Variants in RAD51B observed in about 807,000 individuals in gnomAD.
RAD51B encodes DNA repair protein RAD51 homolog 2.
A neutral mutation model predicts 42.2 loss-of-function variants in RAD51B; 38 were observed. The ratio of observed to expected loss-of-function variants is 0.90; its 90% CI spans 0.70 to 1.18. RAD51B has a LOEUF of 1.18. Among genes scored for constraint, RAD51B ranks in the 50% most tolerant of loss-of-function variants. The pLI, the probability that RAD51B is intolerant of heterozygous loss-of-function variation, is 0.00. For missense variants in RAD51B, 373 were observed against 400.7 expected (o/e 0.93, Z 0.59); for synonymous variants, 154 against 145.2 (o/e 1.06, Z -0.43).
chr14:68,359,534 C>T (rs2082977139), intron 8 of RAD51B, among the ~76,000 whole-genome samples: 1 of 152,162 alleles, frequency 6.6e-6, no homozygotes, highest in South Asian at 2.1e-4. Context: ...CAGCTGCTGC[C>T]TGAAATCACA....
intron 8 of RAD51B, among the ~76,000 whole-genome samples, chr14:68,373,302 G>T (rs1483946731): frequency 6.6e-6 from 1 of 152,172 alleles, no homozygotes; most frequent in African/African-American, 2.4e-5. Context: ...AAAACATAGA[G>T]GCCAGAGAGG....
downstream of RAD51B, among the ~76,000 whole-genome samples, chr14:68,482,197 G>C (rs867844188): frequency 6.6e-6 from 1 of 150,444 alleles, no homozygotes; most frequent in Admixed American, 6.6e-5. Context: ...GTGTGTGTGT[G>C]TATGTGTGTG....
At chr14:68,470,627 CAGAG>C (rs974536416) in intron 10 of RAD51B, 4 of 499,580 alleles carry the variant, frequency 8.0e-6, no homozygotes, top group East Asian at 4.3e-5. Flanking sequence ...CATTTGAAAA[CAGAG>C]AGAGAGAGAA....
chr14:68,070,057 A>G (rs1404368684), intron 7 of RAD51B, among the ~76,000 whole-genome samples: 1 of 151,708 alleles, frequency 6.6e-6, no homozygotes, highest in African/African-American at 2.4e-5. Context: ...CATTTTTTTC[A>G]TGTGCTTGTT....
At chr14:67,871,895 T>C (rs890241991) in intron 5 of RAD51B, among the ~76,000 whole-genome samples, 1 of 152,104 alleles carries the variant, frequency 6.6e-6, no homozygotes. Context: ...CAGCCCTTCA[T>C]GCTAAAAACT....
At chr14:68,395,246 TTAAGA>T (rs935000337) in intron 8 of RAD51B, among the ~76,000 whole-genome samples, 5 of 152,210 alleles carry the variant, frequency 3.3e-5, no homozygotes, top group African/African-American at 1.2e-4. Flanking sequence ...TTAGCCTCTC[TTAAGA>T]TAAGATTTGC....
At chr14:68,036,753 CT>C (rs927073295) in intron 7 of RAD51B, among the ~76,000 whole-genome samples, 4 of 151,642 alleles carry the variant, frequency 2.6e-5, no homozygotes, top group African/African-American at 9.7e-5. Flanking sequence ...GGTTTAGTGC[CT>C]TTTTTTTAAA....
intron 7 of RAD51B, among the ~76,000 whole-genome samples, chr14:68,118,099 G>C (rs1453055519): frequency 6.6e-6 from 1 of 151,848 alleles, no homozygotes; most frequent in Non-Finnish European, 1.5e-5. Context: ...CCATCAACAA[G>C]GATATTTATT....
intron 9 of RAD51B, among the ~76,000 whole-genome samples, chr14:68,442,868 C>T (rs956305145): frequency 2.0e-5 from 3 of 152,128 alleles, no homozygotes; most frequent in South Asian, 2.1e-4. Flanking sequence ...TTGTCCAAGC[C>T]GACTTAATCA....
At chr14:68,000,889 C>A (rs1282243921) in intron 7 of RAD51B, among the ~76,000 whole-genome samples, 4 of 152,162 alleles carry the variant, frequency 2.6e-5, no homozygotes, top group African/African-American at 9.7e-5. Context: ...GTGATAAGTT[C>A]TCACCAAAGA....
At chr14:67,941,664 C>G (rs2045213358) in intron 7 of RAD51B, among the ~76,000 whole-genome samples, 1 of 152,154 alleles carries the variant, frequency 6.6e-6, no homozygotes, top group African/African-American at 2.4e-5. Context: ...CCTTATCCTT[C>G]CCCTGATTTC....
intron 7 of RAD51B, among the ~76,000 whole-genome samples, chr14:68,224,797 C>G (rs2140970614): frequency 6.6e-6 from 1 of 152,110 alleles, no homozygotes; most frequent in Non-Finnish European, 1.5e-5. Context: ...CAGGCTCAAG[C>G]AATTCTCTGC....
chr14:68,175,793 C>T lies in RAD51B; in HGVS notation c.757-116091C>T, dbSNP rs200220827. On this transcript the variant is annotated intron_variant, in intron 7 of 10. Transcript: ENST00000471583. ...CAGTCTGACTTGGGTTCAAATCACT[C>T]TACCGCCTTTTATTACATGAATTCC... is the stretch of plus-strand genomic sequence containing the variant. Among the ~76,000 whole-genome samples the T allele has an allele frequency of 4.6e-5, 7 of 152,312 alleles. No homozygotes were observed. The East Asian group carries it at 1.4e-3, about 29-fold the overall frequency.
chr14:68,055,684 C>G (rs2076462395), intron 7 of RAD51B, among the ~76,000 whole-genome samples: 1 of 152,166 alleles, frequency 6.6e-6, no homozygotes, highest in South Asian at 2.1e-4. Context: ...CATTGGATCT[C>G]TCATGAGGTT....
intron 7 of RAD51B, among the ~76,000 whole-genome samples, chr14:67,897,735 T>A (rs547188053): frequency 6.6e-6 from 1 of 152,036 alleles, no homozygotes; most frequent in East Asian, 1.9e-4. Context: ...CTGCAACCTC[T>A]GCCTCCTGGG....
intron 7 of RAD51B, among the ~76,000 whole-genome samples, chr14:67,978,528 C>T (rs749079334): frequency 3.9e-5 from 6 of 152,054 alleles, no homozygotes; most frequent in Non-Finnish European, 5.9e-5. Context: ...ATACATATCC[C>T]GCTTCCCTTC....
At chr14:68,173,267 A>G (rs2078906276) in intron 7 of RAD51B, among the ~76,000 whole-genome samples, 1 of 152,222 alleles carries the variant, frequency 6.6e-6, no homozygotes, top group Non-Finnish European at 1.5e-5. Context: ...ATTTGTAGTT[A>G]ATACATTTTG....
intron 7 of RAD51B, among the ~76,000 whole-genome samples, chr14:68,277,503 A>G (rs929795561): frequency 6.6e-6 from 1 of 152,198 alleles, no homozygotes; most frequent in African/African-American, 2.4e-5. Context: ...GCCCATTTAT[A>G]TGCTGTAAAC....
chr14:68,542,382 A>C (rs908783250), intron 10 of RAD51B, among the ~76,000 whole-genome samples: 8 of 152,204 alleles, frequency 5.3e-5, no homozygotes, highest in Admixed American at 3.9e-4. Context: ...TATACTACTA[A>C]TATTATCTTT....
Sources: gnomAD v4.1 joint callset for allele counts (sites outside exome capture counted in the v4.1 genomes callset) on GRCh38, gnomAD v4.1.1 for gene constraint, MANE v1.5 for transcripts, NCBI Gene and HGNC (gene_info 2026-07-23, HGNC 2026-07-21) for gene names.